ACTR3C: variants seen among roughly 807,000 people sequenced by gnomAD.
ACTR3C encodes actin related protein 3C.
In ACTR3C, 18 loss-of-function variants were observed where a neutral mutation model predicts 26.3. The ratio of observed to expected loss-of-function variants is 0.68; its 90% CI spans 0.47 to 1.01. ACTR3C has a LOEUF of 1.01. Ranked by LOEUF, ACTR3C falls within the 50% of genes least tolerant of loss-of-function variation. The pLI, the probability that ACTR3C is intolerant of heterozygous loss-of-function variation, is 0.00. For missense variants in ACTR3C, 184 were observed against 250.7 expected, an observed-to-expected ratio of 0.73 and a Z score of 1.80; for synonymous variants, 55 against 94.5, an observed-to-expected ratio of 0.58 and a Z score of 2.42.
intron 6 of ACTR3C, among the ~76,000 whole-genome samples, chr7:150,254,662 C>T (rs1348506856): frequency 6.6e-6 from 1 of 152,168 alleles, no homozygotes; most frequent in Non-Finnish European, 1.5e-5. Flanking sequence ...TGCTTTCCCA[C>T]ACTTGGTTAC....
At chr7:149,935,557 A>G in the ACTR3C span, among the ~76,000 whole-genome samples, 1 of 149,120 alleles carries the variant, frequency 6.7e-6, no homozygotes, top group Non-Finnish European at 1.5e-5. Flanking sequence ...ATGAGCCACC[A>G]TGCCCAGCTA....
chr7:150,041,903 T>C, the ACTR3C span, among the ~76,000 whole-genome samples: 72 of 101,174 alleles, frequency 7.1e-4, no homozygotes, highest in Middle Eastern at 7.7e-3. Context: ...ATGGGGGTCC[T>C]CAGAGCCAGG....
intron 6 of ACTR3C, among the ~76,000 whole-genome samples, chr7:150,277,404 T>G (rs1834968514): frequency 6.6e-6 from 1 of 152,194 alleles, no homozygotes; most frequent in South Asian, 2.1e-4. Context: ...TGCTCATCCT[T>G]AAAAGCCTGA....
At chr7:150,122,290 A>G in the ACTR3C span, among the ~76,000 whole-genome samples, 59,553 of 150,640 alleles carry the variant, frequency 0.4, 11,788 homozygotes, top group Non-Finnish European at 0.43. Flanking sequence ...AAACAAAACA[A>G]AAAACAACTA....
At chr7:150,078,223 T>G in the ACTR3C span, among the ~76,000 whole-genome samples, 1 of 151,602 alleles carries the variant, frequency 6.6e-6, no homozygotes, top group Non-Finnish European at 1.5e-5. Flanking sequence ...CTTTTTTTTC[T>G]ATTTCTTCCT....
chr7:149,929,529 CTTTTTTTT>C, the ACTR3C span, among the ~76,000 whole-genome samples: 3 of 109,172 alleles, frequency 2.7e-5, no homozygotes, highest in Admixed American at 2.0e-4. Context: ...CCACAAATGA[CTTTTTTTT>C]TTTTTTTTTT....
chr7:149,994,624 A>G, the ACTR3C span, among the ~76,000 whole-genome samples: 1 of 151,886 alleles, frequency 6.6e-6, no homozygotes, highest in Non-Finnish European at 1.5e-5. Flanking sequence ...AATGGAAGCT[A>G]AGGAGGGGCT....
chr7:150,048,087 C>CGG, the ACTR3C span, among the ~76,000 whole-genome samples: 2 of 152,078 alleles, frequency 1.3e-5, no homozygotes, highest in Admixed American at 1.3e-4. Context: ...CTCGCGAAGC[C>CGG]GGGGCTCTGG....
chr7:149,975,547 AAAT>A, the ACTR3C span, among the ~76,000 whole-genome samples: 2 of 152,104 alleles, frequency 1.3e-5, no homozygotes, highest in African/African-American at 2.4e-5. Flanking sequence ...AGGAAACAAT[AAAT>A]AATAGAGCAG....
chr7:150,191,824 T>A, the ACTR3C span, among the ~76,000 whole-genome samples: 1 of 152,230 alleles, frequency 6.6e-6, no homozygotes, highest in Non-Finnish European at 1.5e-5. Flanking sequence ...GATTAACCAC[T>A]CAGTTTTCAC....
the ACTR3C span, among the ~76,000 whole-genome samples, chr7:150,037,125 G>C: frequency 6.5e-4 from 58 of 89,716 alleles, no homozygotes; most frequent in Middle Eastern, 5.7e-3. Context: ...AGAGGGACTG[G>C]CTCTCAGTCC....
At chr7:150,048,102 T>G in the ACTR3C span, among the ~76,000 whole-genome samples, 6,662 of 150,948 alleles carry the variant, frequency 0.044, 494 homozygotes, top group African/African-American at 0.15. Flanking sequence ...CTCTGGCTGT[T>G]CTTTCTCTCT....
the ACTR3C span, among the ~76,000 whole-genome samples, chr7:149,949,209 C>T: frequency 1.8e-4 from 26 of 141,948 alleles, no homozygotes; most frequent in African/African-American, 6.4e-4. Context: ...TATACACACA[C>T]ACACACACAC....
chr7:149,950,444 T>A, the ACTR3C span, among the ~76,000 whole-genome samples: 1 of 150,914 alleles, frequency 6.6e-6, no homozygotes, highest in East Asian at 1.9e-4. Context: ...TAAAGCAATC[T>A]TTAAAACATT....
chr7:150,010,011 A>T, the ACTR3C span, among the ~76,000 whole-genome samples: 2 of 152,210 alleles, frequency 1.3e-5, no homozygotes, highest in African/African-American at 4.8e-5. Flanking sequence ...TCTTATAATG[A>T]AGCTAAAATC....
chr7:150,158,790 A>G, the ACTR3C span, among the ~76,000 whole-genome samples: 1 of 152,138 alleles, frequency 6.6e-6, no homozygotes. Context: ...CTCATCACAC[A>G]TACACACACA....
the ACTR3C span, among the ~76,000 whole-genome samples, chr7:150,034,654 G>A: frequency 2.4e-3 from 354 of 148,246 alleles, 4 homozygotes; most frequent in South Asian, 0.037. Flanking sequence ...CCGTCGGATC[G>A]TAAATCCCAC....
the ACTR3C span, among the ~76,000 whole-genome samples, chr7:150,088,873 C>T: frequency 9.9e-5 from 15 of 152,150 alleles, no homozygotes; most frequent in African/African-American, 3.6e-4. Flanking sequence ...TAGAACTAAG[C>T]TTCCTGTTAT....
the ACTR3C span, among the ~76,000 whole-genome samples, chr7:150,212,742 T>C: frequency 6.6e-6 from 1 of 152,180 alleles, no homozygotes; most frequent in Non-Finnish European, 1.5e-5. Flanking sequence ...CTCACTAACC[T>C]TCATGATGCC....
Sources: gnomAD v4.1 joint callset for allele counts (sites outside exome capture counted in the v4.1 genomes callset) on GRCh38, gnomAD v4.1.1 for gene constraint, MANE v1.5 for transcripts, NCBI Gene and HGNC (gene_info 2026-07-23, HGNC 2026-07-21) for gene names.